The following NABP1 variants were observed in gnomAD, a reference collection of about 807,000 sequenced individuals.
The protein encoded by NABP1 is nucleic acid binding protein 1, also known as SOSS complex subunit B2.
In NABP1, 18 loss-of-function variants were observed where a neutral mutation model predicts 25.0. That is an observed-to-expected ratio of 0.72 (90% confidence interval 0.50 to 1.07). The LOEUF is 1.07. Ranked by LOEUF, NABP1 falls within the 50% of genes least tolerant of loss-of-function variation. The pLI is 0.00. For missense variants in NABP1, 270 were observed against 255.6 expected (o/e 1.06, Z -0.39); for synonymous variants, 71 against 85.0 (o/e 0.84, Z 0.91).
At position 191,684,309 on chromosome 2, in the gene NABP1, TTG is replaced by T; in HGVS notation, c.445+19_445+20del. 1 of 1,506,300 alleles carries T rather than the reference TTG, an allele frequency of 6.6e-7. No homozygotes were observed. The highest frequency in any genetic ancestry group is 8.8e-7 in the Non-Finnish European group (1 of 1,133,044). The allele number at this position is 1,506,300 out of a possible 1,614,324, so 93.3% of individuals were successfully genotyped here. On this transcript the variant is annotated intron_variant, in intron 5 of 5. Transcript: ENST00000425611. Reference sequence around the variant, plus strand: ...TTTGGACCAGTGGGTAAGATTTTGTTTGTGTGTTTCATTTGTGATCAGGTATA... The same window carrying T: ...TTTGGACCAGTGGGTAAGATTTTGTTTGTGTTTCATTTGTGATCAGGTATA...
At chr2:191,684,428 C>T (rs1687765961) in intron 5 of NABP1, 132 bp downstream of exon 5, 1 of 535,340 alleles carries the variant, frequency 1.9e-6, no homozygotes, top group African/African-American at 2.0e-5. Flanking sequence ...ACAGGGAATC[C>T]CCAAAGGGCT....
Position 191,678,339 on chromosome 2 carries a change from G to T in NABP1, c.-276G>T, listed in dbSNP as rs1027560862. 4 of 266,998 alleles carry T rather than the reference G, an allele frequency of 1.5e-5. No homozygotes were observed. The highest frequency in any genetic ancestry group is 2.1e-5 in the Non-Finnish European group (3 of 142,860). The allele number at this position is 266,998 out of a possible 1,614,324, so 16.5% of individuals were successfully genotyped here. On this transcript the variant is annotated 5_prime_UTR_variant, in exon 1 of 6. Transcript: ENST00000425611. ...CAGTTAGTACGCTTGCCTTCCTGTC[G>T]CCCGGTTGGGAGCGGGGTTGGTGTG...
intron 2 of NABP1, among the ~76,000 whole-genome samples, chr2:191,680,425 A>T (rs183374362): frequency 3.6e-4 from 55 of 152,156 alleles, no homozygotes; most frequent in African/African-American, 1.3e-3. Context: ...GGACTTAGAC[A>T]TTTTCTTCTC....
rs563960981 is a variant in NABP1, at chr2:191,678,505, C to T, written c.-110C>T. 7.2e-6 allele frequency: 5 copies of T among 696,790 alleles called. No homozygotes were observed. In the African/African-American group the frequency reaches 7.2e-5, roughly 10 times the overall value. The allele number at this position is 696,790 out of a possible 1,614,324, so 43.2% of individuals were successfully genotyped here. On this transcript the variant is annotated 5_prime_UTR_variant, in exon 1 of 6. Transcript: ENST00000425611. ...GGCTTTCTGCCCCTTCTCTCGCCACCCCTGCCCAAGGTCGCCCCTCTGCCT... is the reference window on the plus strand; with the variant it reads ...GGCTTTCTGCCCCTTCTCTCGCCACTCCTGCCCAAGGTCGCCCCTCTGCCT...
In NABP1 at chr2:191,678,557, G is replaced by C; in HGVS notation, c.-58G>C. ...CGCCCCTGTCCCGGGAGGGTGGGAA[G>C]CTTTGACCCCGCCCTGCCCACTCGC... On this transcript the variant is annotated 5_prime_UTR_variant, in exon 1 of 6. Coordinates refer to ENST00000425611, the MANE Select transcript of NABP1 (RefSeq NM_001031716.5). 7.5e-7 allele frequency: 1 copy of C among 1,325,180 alleles called. No individual in the cohort carries two copies. Among genetic ancestry groups the C allele is most frequent in the East Asian group, 2.3e-5 (1 of 43,282 alleles). The allele number at this position is 1,325,180 out of a possible 1,614,324, so 82.1% of individuals were successfully genotyped here.
intron 3 of NABP1, 42 bp downstream of exon 3, chr2:191,682,059 A>T: frequency 4.3e-6 from 5 of 1,168,042 alleles, no homozygotes; most frequent in Non-Finnish European, 5.9e-6. Context: ...ATATATTATA[A>T]ATAATATCTA....
Position 191,685,648 on chromosome 2 carries a change from T to A in NABP1, c.495T>A (p.His165Gln), listed in dbSNP as rs369368589. The change falls in exon 6 of 6, where the codon CAT becomes CAA. Residue 165 changes from histidine (H) to glutamine (Q), a missense_variant. Coordinates refer to ENST00000425611, the MANE Select transcript of NABP1 (RefSeq NM_001031716.5). ...GPESREHQFS[H>Q]AGRSNGRGLI... ...AATCAAGGGAACACCAGTTTTCACATGCTGGCAGAAGCAATGGCCGGGGAC... is the reference window on the plus strand; with the variant it reads ...AATCAAGGGAACACCAGTTTTCACAAGCTGGCAGAAGCAATGGCCGGGGAC... The A allele has an allele frequency of 1.4e-5, 23 of 1,613,902 alleles. No individual in the cohort carries two copies. In the African/African-American group the frequency reaches 2.4e-4, roughly 17 times the overall value.
intron 2 of NABP1, among the ~76,000 whole-genome samples, chr2:191,680,855 A>G (rs1415244643): frequency 6.6e-6 from 1 of 152,222 alleles, no homozygotes; most frequent in African/African-American, 2.4e-5. Context: ...CTTATTTACC[A>G]AAACAACACA....
Position 191,683,660 on chromosome 2 carries a change from A to G in NABP1, c.303-69A>G. ...ATAAGTTCATTCCTAAAAGTTAGAG[A>G]TGTTACATAAAGAAGGGTTGAGGAC... On this transcript the variant is annotated intron_variant, in intron 3 of 5. Coordinates refer to ENST00000425611, the MANE Select transcript of NABP1 (RefSeq NM_001031716.5). This position sits in a 1 kb window ranked among gnomAD's most constrained non-coding sequence, Gnocchi z 4.1. 9.2e-7 allele frequency: 1 copy of G among 1,083,366 alleles called. No homozygotes were observed. Among genetic ancestry groups the G allele is most frequent in the South Asian group, 1.4e-5 (1 of 73,504 alleles). The allele number at this position is 1,083,366 out of a possible 1,614,324, so 67.1% of individuals were successfully genotyped here.
At chr2:191,681,057 A>T (rs1016665586) in intron 2 of NABP1, among the ~76,000 whole-genome samples, 1 of 152,234 alleles carries the variant, frequency 6.6e-6, no homozygotes, top group Admixed American at 6.5e-5. Context: ...AATTGTAACC[A>T]AATTTTTTCT....
At position 191,678,515 on chromosome 2, in the gene NABP1, G is replaced by A. The variant is rs1253958648; in HGVS notation, c.-100G>A. ...CCCTTCTCTCGCCACCCCTGCCCAAGGTCGCCCCTCTGCCTTCGCCCCTGT... is the reference window on the plus strand; with the variant it reads ...CCCTTCTCTCGCCACCCCTGCCCAAAGTCGCCCCTCTGCCTTCGCCCCTGT... On this transcript the variant is annotated 5_prime_UTR_variant, in exon 1 of 6. Coordinates refer to ENST00000425611, the MANE Select transcript of NABP1 (RefSeq NM_001031716.5). 3.4e-5 allele frequency: 24 copies of A among 712,940 alleles called. No individual in the cohort carries two copies. The South Asian group carries it at 3.8e-4, about 11-fold the overall frequency. 44.2% of individuals were successfully genotyped at this position (712,940 alleles called of 1,614,324 possible). A position where few individuals can be genotyped will look rare whatever the true frequency, so the allele number is the denominator to read the frequency against.
Position 191,678,528 on chromosome 2 carries a change from C to A in NABP1, c.-87C>A. 1 of 951,466 alleles carries A rather than the reference C, an allele frequency of 1.1e-6. No individual in the cohort carries two copies. 58.9% of individuals were successfully genotyped at this position (951,466 alleles called of 1,614,324 possible). A position where few individuals can be genotyped will look rare whatever the true frequency, so the allele number is the denominator to read the frequency against. ...ACCCCTGCCCAAGGTCGCCCCTCTGCCTTCGCCCCTGTCCCGGGAGGGTGG... is the reference window on the plus strand; with the variant it reads ...ACCCCTGCCCAAGGTCGCCCCTCTGACTTCGCCCCTGTCCCGGGAGGGTGG... On this transcript the variant is annotated 5_prime_UTR_variant, in exon 1 of 6. Coordinates refer to ENST00000425611, the MANE Select transcript of NABP1 (RefSeq NM_001031716.5).
At position 191,682,022 on chromosome 2, in the gene NABP1, GTATT is replaced by G. The variant is rs758126170; in HGVS notation, c.302+6_302+9del. The G allele has an allele frequency of 2.8e-6, 4 of 1,451,586 alleles. No individual in the cohort carries two copies. Among genetic ancestry groups the G allele is most frequent in the Non-Finnish European group, 3.7e-6 (4 of 1,092,106 alleles). The allele number at this position is 1,451,586 out of a possible 1,614,324, so 89.9% of individuals were successfully genotyped here. On this transcript the variant is annotated splice_donor_region_variant and intron_variant, in intron 3 of 5. Coordinates refer to ENST00000425611, the MANE Select transcript of NABP1 (RefSeq NM_001031716.5). ...TGAACTTCAAAAAATTGGGGAGTAAGTATTAAAATGCATTTTGTATAATTGCATA... is the reference window on the plus strand; with the variant it reads ...TGAACTTCAAAAAATTGGGGAGTAAGAAAATGCATTTTGTATAATTGCATA...
rs1305104463 is a variant in NABP1 at position 191,686,502 on chromosome 2, T to TA, written c.*737dup. The TA allele has an allele frequency of 2.6e-5, 4 of 152,240 alleles. No individual in the cohort carries two copies. Among genetic ancestry groups the TA allele is most frequent in the African/African-American group, 9.6e-5 (4 of 41,458 alleles). The allele number at this position is 152,240 out of a possible 1,614,324, so 9.4% of individuals were successfully genotyped here. ...TATTTATTTTTTGAAACTACCATGT[T>TA]AAATACTGAAGTATAATTTGGGGGA... is the stretch of plus-strand genomic sequence containing the variant. On this transcript the variant is annotated 3_prime_UTR_variant, in exon 6 of 6. Transcript: ENST00000425611.
chr2:191,678,785 CG>C (rs980595650), intron 1 of NABP1, 80 bp downstream of exon 1: 1 of 1,379,228 alleles, frequency 7.3e-7, no homozygotes, highest in African/African-American at 1.5e-5. Context: ...GCTGCGCGCC[CG>C]GGGCTCCCCT....
chr2:191,685,657 A>G lies in NABP1; in HGVS notation c.504A>G (p.Arg168=). 1 of 1,614,074 alleles carries G rather than the reference A, an allele frequency of 6.2e-7. No homozygotes were observed. Among genetic ancestry groups the G allele is most frequent in the Non-Finnish European group, 8.5e-7 (1 of 1,179,978 alleles). ...AACACCAGTTTTCACATGCTGGCAG[A>G]AGCAATGGCCGGGGACTTATAAATC... The part of the protein sequence containing the change: ...SREHQFSHAG[R]SNGRGLINPQ... The change falls in exon 6 of 6, where the codon AGA becomes AGG. Residue 168 remains arginine, a synonymous_variant. Coordinates refer to ENST00000425611, the MANE Select transcript of NABP1 (RefSeq NM_001031716.5).
Position 191,685,724 on chromosome 2 carries a change from A to G in NABP1, c.571A>G (p.Thr191Ala), listed in dbSNP as rs956723746. 4.0e-5 allele frequency: 64 copies of G among 1,614,028 alleles called. No individual in the cohort carries two copies. The highest frequency in any genetic ancestry group is 5.1e-5 in the Non-Finnish European group (60 of 1,180,008). Reference sequence around the variant, plus strand: ...AGCTAGTAATCAAACAGTGATGACCACAATAAGTAATGGCAGGGACCCTCG... The same window carrying G: ...AGCTAGTAATCAAACAGTGATGACCGCAATAAGTAATGGCAGGGACCCTCG... ...GTASNQTVMT[T>A]ISNGRDPRRA... Residue 191 changes from threonine (T) to alanine (A), a missense_variant, in exon 6 of 6, where the codon ACA becomes GCA. Transcript: ENST00000425611.
At chr2:191,684,463 T>G (rs151200822) in intron 5 of NABP1, among the ~76,000 whole-genome samples, 167 bp downstream of exon 5, 1 of 152,184 alleles carries the variant, frequency 6.6e-6, no homozygotes, top group African/African-American at 2.4e-5. Flanking sequence ...TTGATAAACT[T>G]AAGCCAGTTT....
At chr2:191,681,887 G>C in intron 2 of NABP1, 59 bp from the exon 3 acceptor site, 1 of 1,179,374 alleles carries the variant, frequency 8.5e-7, no homozygotes, top group South Asian at 1.8e-5. Context: ...AGATTTACTT[G>C]ATTTAAATAG....
Sources: allele counts gnomAD v4.1 joint callset (sites outside exome capture counted in the v4.1 genomes callset), GRCh38; gene constraint gnomAD v4.1.1; non-coding constraint Gnocchi (gnomAD v3.1); transcripts MANE v1.5; gene names NCBI Gene and HGNC (gene_info 2026-07-23, HGNC 2026-07-21).